Variants in TRPM7 observed in about 807,000 individuals in gnomAD.
The protein encoded by TRPM7 is LTRPC ion channel family member 7.
Under a neutral mutation model 229.7 loss-of-function variants are expected in TRPM7, and 134 were observed. The ratio of observed to expected loss-of-function variants is 0.58; its 90% CI spans 0.51 to 0.67. The LOEUF (loss-of-function observed/expected upper bound fraction) is 0.67. TRPM7 is among the 30% of genes least tolerant of loss of function. The pLI is 0.00. For synonymous variants in TRPM7, 699 were observed against 715.2 expected (o/e 0.98, Z 0.36); for missense variants, 1,901 against 2,210.0 (o/e 0.86, Z 2.80).
At chr15:50,663,839 T>C (rs1392691648) in intron 1 of TRPM7, among the ~76,000 whole-genome samples, 2 of 152,148 alleles carry the variant, frequency 1.3e-5, no homozygotes, top group African/African-American at 4.8e-5. Context: ...GATGTGCTCC[T>C]GTAGTCCCAG....
intron 16 of TRPM7, 78 bp downstream of exon 16, chr15:50,612,471 C>T (rs748647050): frequency 1.7e-5 from 21 of 1,239,694 alleles, no homozygotes; most frequent in South Asian, 2.8e-5. Context: ...CCATTAAGTA[C>T]GTGGCACTGT....
chr15:50,625,841 C>A (rs1266431792), intron 11 of TRPM7, among the ~76,000 whole-genome samples: 1 of 152,134 alleles, frequency 6.6e-6, no homozygotes, highest in Non-Finnish European at 1.5e-5. Flanking sequence ...AAAAATAAGG[C>A]CTGATCTCCA....
At chr15:50,574,530 T>G (rs1198609074) in intron 35 of TRPM7, 51 bp from the exon 36 acceptor site, 2 of 1,560,708 alleles carry the variant, frequency 1.3e-6, no homozygotes, top group African/African-American at 2.7e-5. Context: ...AATAAAATTC[T>G]AATTGATCTA....
At chr15:50,571,182 C>A (rs1339851182) in intron 36 of TRPM7, among the ~76,000 whole-genome samples, 1 of 152,094 alleles carries the variant, frequency 6.6e-6, no homozygotes, top group Admixed American at 6.5e-5. Flanking sequence ...AGAATTAAAA[C>A]ACGATACTAT....
chr15:50,592,167 G>C lies in TRPM7; in HGVS notation c.4068C>G (p.Phe1356Leu), dbSNP rs1251474339. Residue 1356 changes from phenylalanine to leucine, a missense_variant, in exon 26 of 39, where the codon TTC (phenylalanine) becomes TTG (leucine). By Grantham distance (22) the Phe-to-Leu change is conservative. This residue lies in a region of TRPM7 where 533 missense variants were observed against 497.1 expected (regional missense o/e 1.07). Coordinates refer to ENST00000646667, the MANE Select transcript of TRPM7 (RefSeq NM_017672.6). ...GTTCTGGAGGGGAAACAGCACTTGGGAATAAGGCACCAGAAGAGGAACCAG... is the reference window on the plus strand; with the variant it reads ...GTTCTGGAGGGGAAACAGCACTTGGCAATAAGGCACCAGAAGAGGAACCAG... ...PEAGSSSGALFPSAVSPPELR... is the reference protein window; with the variant it reads ...PEAGSSSGALLPSAVSPPELR... The C allele has an allele frequency of 6.2e-7, 1 of 1,614,024 alleles. No individual in the cohort carries two copies.
At chr15:50,630,188 TTTA>T (rs1466955262) in intron 10 of TRPM7, among the ~76,000 whole-genome samples, 1 of 152,072 alleles carries the variant, frequency 6.6e-6, no homozygotes, top group Non-Finnish European at 1.5e-5. Context: ...TGCACTCCCA[TTTA>T]TTAATTTTTT....
chr15:50,659,505 A>T (rs1458152205), intron 2 of TRPM7, among the ~76,000 whole-genome samples: 1 of 152,198 alleles, frequency 6.6e-6, no homozygotes. Flanking sequence ...CTGTAGAAAG[A>T]AGTGACGAGC....
intron 1 of TRPM7, among the ~76,000 whole-genome samples, chr15:50,668,500 ATTTG>A (rs1315790889): frequency 6.6e-6 from 1 of 151,900 alleles, no homozygotes; most frequent in African/African-American, 2.4e-5. Flanking sequence ...ATGGCAATAG[ATTTG>A]TTTTTGTTTT....
intron 36 of TRPM7, among the ~76,000 whole-genome samples, chr15:50,572,784 G>T (rs2053952269): frequency 6.6e-6 from 1 of 152,190 alleles, no homozygotes; most frequent in Non-Finnish European, 1.5e-5. Flanking sequence ...TTCTTGAGCT[G>T]AAACCTGTTT....
At chr15:50,600,449 A>AG (rs569034522) in intron 21 of TRPM7, among the ~76,000 whole-genome samples, 3,053 of 152,032 alleles carry the variant, frequency 0.02, 123 homozygotes, top group African/African-American at 0.071. Flanking sequence ...AAAAAAAAAA[A>AG]AAAGGGAATA....
At chr15:50,658,729 A>T (rs1464436535) in intron 2 of TRPM7, among the ~76,000 whole-genome samples, 1 of 152,270 alleles carries the variant, frequency 6.6e-6, no homozygotes, top group Non-Finnish European at 1.5e-5. Context: ...CAGTTCTAAA[A>T]GCATAGGCTA....
At position 50,575,749 on chromosome 15, in the gene TRPM7, A is replaced by C; in HGVS notation, c.4710T>G (p.Ile1570Met). 1 of 1,613,192 alleles carries C rather than the reference A, an allele frequency of 6.2e-7. No individual in the cohort carries two copies. Among genetic ancestry groups the C allele is most frequent in the Non-Finnish European group, 8.5e-7 (1 of 1,179,668 alleles). ...CTCTTGGAGGCACAGGTGTAAATGGAATGCTCTGTGATAACCTCATCAAGT... is the reference window on the plus strand; with the variant it reads ...CTCTTGGAGGCACAGGTGTAAATGGCATGCTCTGTGATAACCTCATCAAGT... ...RNNLMRLSQS[I>M]PFTPVPPRGE... Residue 1570 changes from isoleucine (I) to methionine (M), a missense_variant, in exon 33 of 39, where the codon ATT (isoleucine) becomes ATG (methionine). Ile to Met is a conservative substitution (Grantham distance 10). This residue lies in a region of TRPM7 where 257 missense variants were observed against 352.0 expected (regional missense o/e 0.73). Coordinates refer to ENST00000646667, the MANE Select transcript of TRPM7 (RefSeq NM_017672.6).
intron 6 of TRPM7, among the ~76,000 whole-genome samples, chr15:50,638,486 T>C (rs1181604589): frequency 6.9e-6 from 1 of 144,836 alleles, no homozygotes; most frequent in African/African-American, 2.6e-5. Context: ...GAGGAGGAGG[T>C]TGCAGTGAGA....
intron 3 of TRPM7, among the ~76,000 whole-genome samples, chr15:50,649,641 A>T (rs1442115378): frequency 6.6e-6 from 1 of 152,158 alleles, no homozygotes; most frequent in Non-Finnish European, 1.5e-5. Flanking sequence ...ATAGTGACAA[A>T]AGGGTGATCA....
intron 20 of TRPM7, 97 bp downstream of exon 20, chr15:50,607,103 C>T (rs1182008031): frequency 1.4e-5 from 15 of 1,072,024 alleles, no homozygotes; most frequent in Admixed American, 2.6e-5. Context: ...TCATCATACA[C>T]ACACACACCC....
Position 50,661,406 on chromosome 15 carries a change from T to C in TRPM7, c.83+1561A>G, listed in dbSNP as rs144913471. On this transcript the variant is annotated intron_variant, in intron 2 of 38. Transcript: ENST00000646667. ...AAGTTAAAAATAAAGCCACCAAATG[T>C]TATTAATAATGACAGTCTTAATGTA... Among the ~76,000 whole-genome samples the C allele has an allele frequency of 1.9e-3, 291 of 152,336 alleles. 1 individual carries two copies. The highest frequency in any genetic ancestry group is 6.4e-3 in the African/African-American group (267 of 41,592).
chr15:50,589,104 T>C (rs2059416544), intron 27 of TRPM7, among the ~76,000 whole-genome samples: 1 of 152,098 alleles, frequency 6.6e-6, no homozygotes, highest in Non-Finnish European at 1.5e-5. Flanking sequence ...GGCGGATCGC[T>C]TGAGGTCAGG....
chr15:50,566,985 T>C (rs2053627350), intron 38 of TRPM7, among the ~76,000 whole-genome samples: 1 of 151,506 alleles, frequency 6.6e-6, no homozygotes, highest in Non-Finnish European at 1.5e-5. Context: ...CTAACGGATA[T>C]TAAAAAGATA....
chr15:50,605,173 T>G, intron 20 of TRPM7, 29 bp from the exon 21 acceptor site: 1 of 1,535,502 alleles, frequency 6.5e-7, no homozygotes, highest in Non-Finnish European at 8.7e-7. Context: ...CAAAAAAAAG[T>G]GTAATCAGTT....
Sources: allele counts gnomAD v4.1 joint callset (sites outside exome capture counted in the v4.1 genomes callset), GRCh38; gene constraint gnomAD v4.1.1; regional missense constraint gnomAD v4.1.1; transcripts MANE v1.5; gene names NCBI Gene and HGNC (gene_info 2026-07-23, HGNC 2026-07-21).